RELN: variants seen among roughly 807,000 people sequenced by gnomAD.
RELN encodes reelin.
A neutral mutation model predicts 427.6 loss-of-function variants in RELN; 108 were observed. That is an observed-to-expected ratio of 0.25 (90% CI 0.22 to 0.30). The LOEUF (loss-of-function observed/expected upper bound fraction) is 0.30. Ranked by LOEUF, RELN falls within the 10% of genes least tolerant of loss-of-function variation. RELN has a pLI of 1.00. For missense variants in RELN, 3,715 were observed against 4,302.8 expected (o/e 0.86, Z 3.82); for synonymous variants, 1,524 against 1,513.4 (o/e 1.01, Z -0.16).
intron 2 of RELN, among the ~76,000 whole-genome samples, chr7:103,852,680 T>A (rs1205484315): frequency 6.6e-6 from 1 of 152,040 alleles, no homozygotes; most frequent in Non-Finnish European, 1.5e-5. Flanking sequence ...TTTTTGTTGT[T>A]GTTGTTGTTG....
intron 60 of RELN, among the ~76,000 whole-genome samples, chr7:103,487,459 A>G (rs1397346888): frequency 7.3e-5 from 4 of 54,432 alleles, no homozygotes; most frequent in African/African-American, 2.6e-4. Context: ...TTGTTACAGT[A>G]AAAAAAAAAA....
intron 1 of RELN, among the ~76,000 whole-genome samples, chr7:103,940,138 C>A (rs1796080137): frequency 1.3e-5 from 2 of 152,266 alleles, no homozygotes; most frequent in South Asian, 4.2e-4. Flanking sequence ...TTTTAATCTT[C>A]CCAGTATTTG....
At chr7:103,757,642 A>T (rs1230495562) in intron 4 of RELN, among the ~76,000 whole-genome samples, 2 of 152,182 alleles carry the variant, frequency 1.3e-5, no homozygotes, top group Non-Finnish European at 2.9e-5. Context: ...CCTTTAACAG[A>T]AGTGTAAAAA....
chr7:103,695,365 G>A (rs1332118622), intron 10 of RELN, among the ~76,000 whole-genome samples: 1 of 152,022 alleles, frequency 6.6e-6, no homozygotes, highest in African/African-American at 2.4e-5. Flanking sequence ...CCAAGTCAAA[G>A]ATAATGTTAT....
chr7:103,584,372 A>T (rs894797977), intron 28 of RELN, among the ~76,000 whole-genome samples: 4 of 152,224 alleles, frequency 2.6e-5, no homozygotes, highest in Admixed American at 1.3e-4. Context: ...GTGGAAAAAG[A>T]TATACCACAC....
intron 4 of RELN, among the ~76,000 whole-genome samples, chr7:103,766,993 G>C (rs1239462741): frequency 6.6e-6 from 1 of 152,240 alleles, no homozygotes; most frequent in Admixed American, 6.5e-5. Context: ...GGGCATGACT[G>C]CTGTCAGGCC....
Position 103,566,736 on chromosome 7 carries a change from C to T in RELN, c.4612G>A (p.Asp1538Asn), listed in dbSNP as rs1210883875. 6.2e-7 allele frequency: 1 copy of T among 1,614,080 alleles called. No individual in the cohort carries two copies. The highest frequency in any genetic ancestry group is 1.7e-5 in the Admixed American group (1 of 60,008). The change falls in exon 32 of 65, where the codon GAC becomes AAC. Residue 1538 changes from aspartate to asparagine, a missense_variant. Around this residue, in one of 4 missense-constraint regions of RELN, gnomAD observed 2,208 missense variants for 2,361.7 expected, o/e 0.93. Transcript: ENST00000428762. ...AGCAAATGCCAGAGTATCCCATTGT[C>T]ATTTGAATACTGAACAATAAGCCCT... Reference protein sequence around the residue: ...NEGLIVQYSNDNGILWHLLRE... With the variant: ...NEGLIVQYSNNNGILWHLLRE...
intron 12 of RELN, among the ~76,000 whole-genome samples, chr7:103,654,726 A>G (rs961402801): frequency 3.3e-4 from 50 of 152,030 alleles, no homozygotes; most frequent in African/African-American, 1.1e-3. Flanking sequence ...TTTCATTTTT[A>G]TATTTGGTAC....
intron 3 of RELN, among the ~76,000 whole-genome samples, chr7:103,782,377 T>A (rs1791913253): frequency 6.6e-6 from 1 of 152,132 alleles, no homozygotes; most frequent in Non-Finnish European, 1.5e-5. Flanking sequence ...TAGGTGCCAC[T>A]TATGAGCTAC....
Position 103,603,871 on chromosome 7 carries a change from A to G in RELN, c.3147-381T>C, listed in dbSNP as rs1201353656. ...TGCTCAACCAACATATAATTCAGGC[A>G]ACATTTTATAGTTCCTCTTTCTGAT... On this transcript the variant is annotated intron_variant, in intron 23 of 64. Transcript: ENST00000428762. This position sits in a 1 kb window ranked among gnomAD's most constrained non-coding sequence, Gnocchi z 4.3. Among the ~76,000 whole-genome samples the G allele has an allele frequency of 1.3e-5, 2 of 152,102 alleles. No individual in the cohort carries two copies. Among genetic ancestry groups the G allele is most frequent in the African/African-American group, 4.8e-5 (2 of 41,408 alleles).
chr7:103,537,981 C>T (rs362714), intron 45 of RELN, among the ~76,000 whole-genome samples: 89,934 of 151,982 alleles, frequency 0.59, 27,274 homozygotes, highest in Middle Eastern at 0.73. Context: ...AGCACTACTC[C>T]GTGGAACACT....
chr7:103,788,977 AC>A (rs1317659824), intron 3 of RELN, among the ~76,000 whole-genome samples: 1 of 152,166 alleles, frequency 6.6e-6, no homozygotes, highest in Non-Finnish European at 1.5e-5. Context: ...TGGTACTGGT[AC>A]CAAAACAACA....
chr7:103,838,950 G>C (rs1158043219), intron 2 of RELN, among the ~76,000 whole-genome samples: 3 of 152,200 alleles, frequency 2.0e-5, no homozygotes, highest in East Asian at 1.9e-4. Context: ...AGTGGCACCA[G>C]GAGATTTAAT....
chr7:103,495,454 T>TGA (rs763761542), intron 57 of RELN, among the ~76,000 whole-genome samples: 29,800 of 151,844 alleles, frequency 0.2, 2,991 homozygotes, highest in South Asian at 0.29. Flanking sequence ...ATAGGCATGG[T>TGA]TCCACTGCAC....
intron 11 of RELN, among the ~76,000 whole-genome samples, chr7:103,667,292 TAAC>T (rs1833290622): frequency 6.6e-6 from 1 of 152,238 alleles, no homozygotes; most frequent in African/African-American, 2.4e-5. Context: ...TCAGGAGTGT[TAAC>T]AAATTAAAGG....
At position 103,611,785 on chromosome 7, in the gene RELN, T is replaced by A. The variant is rs1831966221; in HGVS notation, c.2721A>T (p.Lys907Asn). The change falls in exon 21 of 65, where the codon AAA becomes AAT. Residue 907 changes from lysine (K) to asparagine (N), a missense_variant. By Grantham distance (94) the Lys-to-Asn change is moderately conservative. Transcript: ENST00000428762. ...DWTLCFTGDS[K>N]LASSMRYVET... ...CCACATAGCGCATACTTGAGGCAAGTTTAGAATCTCCTGTAAAACTGAAAG... is the reference window on the plus strand; with the variant it reads ...CCACATAGCGCATACTTGAGGCAAGATTAGAATCTCCTGTAAAACTGAAAG... 6.2e-7 allele frequency: 1 copy of A among 1,613,506 alleles called. No homozygotes were observed. The highest frequency in any genetic ancestry group is 8.5e-7 in the Non-Finnish European group (1 of 1,179,566).
chr7:103,658,261 G>A (rs1241456230), intron 12 of RELN, among the ~76,000 whole-genome samples: 3 of 152,096 alleles, frequency 2.0e-5, no homozygotes, highest in African/African-American at 7.2e-5. Context: ...ACAGCAGACT[G>A]ATGTGAACCA....
chr7:103,923,301 A>G (rs965707672), intron 1 of RELN, among the ~76,000 whole-genome samples: 1 of 151,590 alleles, frequency 6.6e-6, no homozygotes, highest in Non-Finnish European at 1.5e-5. Flanking sequence ...TAGAGACCAT[A>G]AAAAAATACA....
intron 2 of RELN, among the ~76,000 whole-genome samples, chr7:103,909,743 AAATATATATATTAAAT>A (rs1795309509): frequency 2.5e-5 from 1 of 40,304 alleles, no homozygotes; most frequent in Non-Finnish European, 4.9e-5. Context: ...TAATATATAT[AAATATATATATTAAAT>A]ATATATATTT....
Sources: allele counts gnomAD v4.1 joint callset (sites outside exome capture counted in the v4.1 genomes callset), GRCh38; gene constraint gnomAD v4.1.1; regional missense constraint gnomAD v4.1.1; non-coding constraint Gnocchi (gnomAD v3.1); transcripts MANE v1.5; gene names NCBI Gene and HGNC (gene_info 2026-07-23, HGNC 2026-07-21).